RPH3AL: variants seen among roughly 807,000 people sequenced by gnomAD.
RPH3AL encodes the protein rabphilin 3A like (without C2 domains), also known as rab effector Noc2.
A neutral mutation model predicts 43.1 loss-of-function variants in RPH3AL; 38 were observed. The ratio of observed to expected loss-of-function variants is 0.88; its 90% CI spans 0.68 to 1.15. The LOEUF is 1.15. Among genes scored for constraint, RPH3AL ranks in the 50% most tolerant of loss-of-function variants. The pLI, the probability that RPH3AL is intolerant of heterozygous loss-of-function variation, is 0.00. For missense variants in RPH3AL, 462 were observed against 423.2 expected, an observed-to-expected ratio of 1.09 and a Z score of -0.81; for synonymous variants, 189 against 176.3, an observed-to-expected ratio of 1.07 and a Z score of -0.57.
chr17:214,075 C>T, intron 9 of RPH3AL, 152 bp from the exon 10 acceptor site: 1 of 633,834 alleles, frequency 1.6e-6, no homozygotes, highest in African/African-American at 1.8e-5. Context: ...GAGCTCGAGA[C>T]CAGCACCGCT....
intron 5 of RPH3AL, among the ~76,000 whole-genome samples, chr17:286,832 G>T (rs558896121): frequency 2.0e-5 from 3 of 152,136 alleles, no homozygotes; most frequent in African/African-American, 7.2e-5. Flanking sequence ...CTGGAACTGC[G>T]TCCGGGTGTT....
chr17:245,193 G>T lies in RPH3AL; in HGVS notation c.613+1918C>A, dbSNP rs1327022059. 6.6e-6 allele frequency among the ~76,000 whole-genome samples: 1 copy of T among 151,428 alleles called. No individual in the cohort carries two copies. Among genetic ancestry groups the T allele is most frequent in the Non-Finnish European group, 1.5e-5 (1 of 67,880 alleles). On this transcript the variant is annotated intron_variant, in intron 7 of 9. Transcript: ENST00000331302. This position sits in a 1 kb window ranked among gnomAD's most constrained non-coding sequence, Gnocchi z 5.9. ...TCTGTGTGTACGTGGATGTCTGTGTGTGTGGATGTGAGCGTGTGTGTCCAT... is the reference window on the plus strand; with the variant it reads ...TCTGTGTGTACGTGGATGTCTGTGTTTGTGGATGTGAGCGTGTGTGTCCAT...
At chr17:324,765 G>A (rs185962935) in intron 3 of RPH3AL, among the ~76,000 whole-genome samples, 9 of 147,868 alleles carry the variant, frequency 6.1e-5, no homozygotes, top group South Asian at 2.2e-4. Context: ...TCGGTCTGTC[G>A]CCCAGGCTGG....
At chr17:226,713 G>A (rs1370389994) in intron 7 of RPH3AL, among the ~76,000 whole-genome samples, 4 of 152,146 alleles carry the variant, frequency 2.6e-5, no homozygotes, top group African/African-American at 7.2e-5. Flanking sequence ...AAATGTCACC[G>A]TAAAACTCAA....
chr17:241,345 A>G (rs1008017136), intron 7 of RPH3AL, among the ~76,000 whole-genome samples: 7 of 152,090 alleles, frequency 4.6e-5, no homozygotes, highest in African/African-American at 1.4e-4. Flanking sequence ...GCAGCGAGCC[A>G]TGATTGTGCC....
chr17:259,704 C>T (rs1237214853), intron 6 of RPH3AL, among the ~76,000 whole-genome samples: 2 of 152,232 alleles, frequency 1.3e-5, no homozygotes, highest in Non-Finnish European at 2.9e-5. Context: ...AGACCCACAG[C>T]CGCCGTGGCG....
intron 1 of RPH3AL, among the ~76,000 whole-genome samples, chr17:343,796 G>C (rs915815539): frequency 2.0e-4 from 30 of 152,166 alleles, no homozygotes; most frequent in African/African-American, 7.2e-4. Flanking sequence ...CCCCATGACA[G>C]AGTTATCCAG....
intron 5 of RPH3AL, among the ~76,000 whole-genome samples, chr17:315,270 G>C (rs113840412): frequency 0.026 from 222 of 8,554 alleles, 1 homozygote; most frequent in African/African-American, 0.066. Context: ...CACCTCCATT[G>C]ACCTGTAGTC....
In RPH3AL at chr17:236,671, G is replaced by A. The variant is rs1432155460; in HGVS notation, c.613+10440C>T. ...GCCCTGTCTGTCTCCTCGCGGCCTC[G>A]CCAGCCTTCGTCTCCCGCCCTGATT... On this transcript the variant is annotated intron_variant, in intron 7 of 9. Coordinates refer to ENST00000331302, the MANE Select transcript of RPH3AL (RefSeq NM_006987.4). Among the ~76,000 whole-genome samples the A allele has an allele frequency of 3.9e-5, 6 of 152,240 alleles. No homozygotes were observed. The South Asian group carries it at 6.2e-4, about 16-fold the overall frequency.
At position 324,710 on chromosome 17, in the gene RPH3AL, C is replaced by CCTAT. The variant is rs71143502; in HGVS notation, c.77+2753_77+2756dup. 1.7e-3 allele frequency among the ~76,000 whole-genome samples: 251 copies of CCTAT among 151,092 alleles called. 1 individual carries two copies. The highest frequency in any genetic ancestry group is 0.01 in the Middle Eastern group (3 of 292). On this transcript the variant is annotated intron_variant, in intron 3 of 9. Coordinates refer to ENST00000331302, the MANE Select transcript of RPH3AL (RefSeq NM_006987.4). ...ATCTATCTAGCTAGCTAGCTATGTA[C>CCTAT]CTATCTATCTATCTATCTATCTATG...
intron 6 of RPH3AL, among the ~76,000 whole-genome samples, chr17:281,218 C>G (rs978940409): frequency 6.6e-6 from 1 of 152,170 alleles, no homozygotes; most frequent in African/African-American, 2.4e-5. Flanking sequence ...ATCGTGACAG[C>G]AGACAACGGC....
chr17:295,938 A>G (rs78093714), intron 5 of RPH3AL, among the ~76,000 whole-genome samples: 590 of 96,554 alleles, frequency 6.1e-3, no homozygotes, highest in Non-Finnish European at 8.6e-3. Context: ...GGAGGGACAC[A>G]GATGCTGCAG....
intron 6 of RPH3AL, 69 bp from the exon 7 acceptor site, chr17:247,354 G>C (rs2041793192): frequency 6.9e-7 from 1 of 1,442,460 alleles, no homozygotes; most frequent in Non-Finnish European, 9.2e-7. Flanking sequence ...TCCTTGCCCA[G>C]ATGACGGGAG....
rs12449810 is a variant in RPH3AL, at chr17:251,896, C to T, written c.439-4611G>A. Among the ~76,000 whole-genome samples the T allele has an allele frequency of 6.7e-3, 1,025 of 152,282 alleles. 39 individuals carry two copies. Among genetic ancestry groups the T allele is most frequent in the Admixed American group, 0.063 (959 of 15,298 alleles). On this transcript the variant is annotated intron_variant, in intron 6 of 9. Transcript: ENST00000331302. The stretch of plus-strand genomic sequence containing the variant: ...CAGACCCCTAAGAACCATCTGTGAA[C>T]GGCGGGGCCCGTGCAGGCTTTGAAC...
rs534890715 is a variant in RPH3AL, at chr17:247,370, A to G, written c.439-85T>C. The G allele has an allele frequency of 1.2e-5, 16 of 1,370,798 alleles. 1 individual carries two copies. In the South Asian group the frequency reaches 2.4e-4, roughly 20 times the overall value. 84.9% of individuals were successfully genotyped at this position (1,370,798 alleles called of 1,614,324 possible). A position where few individuals can be genotyped will look rare whatever the true frequency, so the allele number is the denominator to read the frequency against. On this transcript the variant is annotated intron_variant, in intron 6 of 9. Coordinates refer to ENST00000331302, the MANE Select transcript of RPH3AL (RefSeq NM_006987.4). The stretch of plus-strand genomic sequence containing the variant: ...CCTTGCCCAGATGACGGGAGGCAGG[A>G]CGCGGAGAGCTAGGAGCAGAGTGGG...
chr17:281,852 T>C lies in RPH3AL; in HGVS notation c.354A>G (p.Lys118=). Reference sequence around the variant, plus strand: ...CCTCGATCCCACATTTGGTGCAGACTTTCTACAAGAGAGAGGACATGGGGT... The same window carrying C: ...CCTCGATCCCACATTTGGTGCAGACCTTCTACAAGAGAGAGGACATGGGGT... The part of the protein sequence containing the change: ...SSVFCKDCRK[K]VCTKCGIEAS... Residue 118 remains lysine, a splice_region_variant and synonymous_variant, in exon 6 of 10, where the codon AAA becomes AAG. Coordinates refer to ENST00000331302, the MANE Select transcript of RPH3AL (RefSeq NM_006987.4). 6.2e-7 allele frequency: 1 copy of C among 1,613,642 alleles called. No individual in the cohort carries two copies.
chr17:249,892 C>T (rs1360233239), intron 6 of RPH3AL, among the ~76,000 whole-genome samples: 5 of 150,828 alleles, frequency 3.3e-5, no homozygotes, highest in African/African-American at 9.7e-5. Context: ...TACTAAGCTC[C>T]GTCACTGTGG....
chr17:333,558 T>C lies in RPH3AL; in HGVS notation c.-37+201A>G. On this transcript the variant is annotated intron_variant, in intron 2 of 9. Coordinates refer to ENST00000331302, the MANE Select transcript of RPH3AL (RefSeq NM_006987.4). This position sits in a 1 kb window ranked among gnomAD's most constrained non-coding sequence, Gnocchi z 4.5. The stretch of plus-strand genomic sequence containing the variant: ...GTATTAAAGTTCTTTAAAAATATGA[T>C]TTTAAACTATAACTTAGTATTCTGA... 3.3e-6 allele frequency: 1 copy of C among 304,918 alleles called. No individual in the cohort carries two copies. The highest frequency in any genetic ancestry group is 3.0e-5 in the South Asian group (1 of 33,374). 18.9% of individuals were successfully genotyped at this position (304,918 alleles called of 1,614,324 possible). A position where few individuals can be genotyped will look rare whatever the true frequency, so the allele number is the denominator to read the frequency against.
chr17:302,959 C>T (rs534158222), intron 5 of RPH3AL, among the ~76,000 whole-genome samples: 1 of 152,314 alleles, frequency 6.6e-6, no homozygotes, highest in Admixed American at 6.5e-5. Context: ...TCACACACAC[C>T]TCTGGTGTTT....
Sources: gnomAD v4.1 joint callset for allele counts (sites outside exome capture counted in the v4.1 genomes callset) on GRCh38, gnomAD v4.1.1 for gene constraint, Gnocchi (gnomAD v3.1) non-coding constraint, MANE v1.5 for transcripts, NCBI Gene and HGNC (gene_info 2026-07-23, HGNC 2026-07-21) for gene names.